MYO16: variants seen among roughly 807,000 people sequenced by gnomAD.
The protein encoded by MYO16 is myosin XVI, also known as unconventional myosin-XVI.
Under a neutral mutation model 205.3 loss-of-function variants are expected in MYO16, and 94 were observed. The observed-to-expected ratio is 0.46, with a 90% CI of 0.39 to 0.54. MYO16 has a LOEUF of 0.54. Ranked by LOEUF, MYO16 falls within the 20% of genes least tolerant of loss-of-function variation. The pLI is 0.00. For synonymous variants in MYO16, 988 were observed against 954.0 expected (o/e 1.04, Z -0.66); for missense variants, 2,315 against 2,387.5 (o/e 0.97, Z 0.63).
At chr13:108,995,578 A>G (rs924648451) in intron 21 of MYO16, among the ~76,000 whole-genome samples, 1 of 151,844 alleles carries the variant, frequency 6.6e-6, no homozygotes, top group Non-Finnish European at 1.5e-5. Context: ...TCCAAATGCT[A>G]TCCCTCCCCC....
intron 7 of MYO16, among the ~76,000 whole-genome samples, chr13:108,816,416 C>CCT (rs1277818295): frequency 2.0e-5 from 3 of 152,038 alleles, no homozygotes; most frequent in Non-Finnish European, 4.4e-5. Flanking sequence ...AGTAGCGCCC[C>CCT]CCACCCACCC....
intron 11 of MYO16, among the ~76,000 whole-genome samples, chr13:108,864,602 T>A (rs1020338485): frequency 6.6e-6 from 1 of 152,096 alleles, no homozygotes; most frequent in Non-Finnish European, 1.5e-5. Flanking sequence ...GATATCAGCT[T>A]ACTGCAGCCT....
chr13:108,823,130 G>C lies in MYO16; in HGVS notation c.949G>C (p.Ala317Pro). The change falls in exon 9 of 35, where the codon GCT becomes CCT. Residue 317 changes from alanine (A) to proline (P), a missense_variant. Ala to Pro is a conservative substitution (Grantham distance 27, BLOSUM62 -1). Coordinates refer to ENST00000457511, the MANE Select transcript of MYO16 (RefSeq NM_001198950.3). ...TTCTTATTTTTTTCTTGTAGATATTGCTGCCTCTGAGTTTATTGAGGAAAT... is the reference window on the plus strand; with the variant it reads ...TTCTTATTTTTTTCTTGTAGATATTCCTGCCTCTGAGTTTATTGAGGAAAT... Reference protein sequence around the residue: ...NCNEEKASDIAASEFIEEMLL... With the variant: ...NCNEEKASDIPASEFIEEMLL... 1 of 1,608,332 alleles carries C rather than the reference G, an allele frequency of 6.2e-7. No individual in the cohort carries two copies. The highest frequency in any genetic ancestry group is 8.5e-7 in the Non-Finnish European group (1 of 1,178,740).
rs548906138 is a variant in MYO16 at position 108,853,201 on chromosome 13, C to G, written c.1249-2242C>G. Among the ~76,000 whole-genome samples the G allele has an allele frequency of 2.0e-5, 3 of 152,270 alleles. No individual in the cohort carries two copies. The East Asian group carries it at 5.8e-4, about 29-fold the overall frequency. Reference sequence around the variant, plus strand: ...GTAGCGCTCGGTGCCTATGAGACTCCGCAAAGTGGAACTCAGTGTATAATG... The same window carrying G: ...GTAGCGCTCGGTGCCTATGAGACTCGGCAAAGTGGAACTCAGTGTATAATG... On this transcript the variant is annotated intron_variant, in intron 10 of 34. Transcript: ENST00000457511.
At chr13:108,825,582 T>TAAATAAAG (rs1566353346) in intron 9 of MYO16, among the ~76,000 whole-genome samples, 3 of 150,630 alleles carry the variant, frequency 2.0e-5, no homozygotes, top group African/African-American at 7.3e-5. Flanking sequence ...AGCAAGAAAA[T>TAAATAAAG]AAATAAATAA....
At chr13:109,025,156 G>T (rs1886323585) in intron 23 of MYO16, among the ~76,000 whole-genome samples, 1 of 152,004 alleles carries the variant, frequency 6.6e-6, no homozygotes, top group African/African-American at 2.4e-5. Flanking sequence ...CTCCACGATG[G>T]GATTACCTGG....
chr13:109,026,718 C>G (rs572170209), intron 23 of MYO16, among the ~76,000 whole-genome samples: 4 of 152,126 alleles, frequency 2.6e-5, no homozygotes, highest in Non-Finnish European at 4.4e-5. Flanking sequence ...TTTTCCTTAC[C>G]TGGAACATCC....
intron 27 of MYO16, among the ~76,000 whole-genome samples, chr13:109,091,531 T>C (rs1002154603): frequency 3.3e-5 from 5 of 152,178 alleles, no homozygotes; most frequent in Admixed American, 2.6e-4. Context: ...GACGTTGCCA[T>C]TGACGCCACA....
At chr13:109,155,950 G>T (rs1877996416) in intron 32 of MYO16, among the ~76,000 whole-genome samples, 1 of 152,134 alleles carries the variant, frequency 6.6e-6, no homozygotes, top group Non-Finnish European at 1.5e-5. Context: ...GGAAAGGAAA[G>T]AAAATTCTAT....
chr13:108,790,650 T>C (rs1886590261), intron 5 of MYO16, among the ~76,000 whole-genome samples: 1 of 152,172 alleles, frequency 6.6e-6, no homozygotes, highest in African/African-American at 2.4e-5. Context: ...TCTGTTGTGT[T>C]GTATTAACCA....
intron 23 of MYO16, among the ~76,000 whole-genome samples, chr13:109,035,933 G>A (rs1409886932): frequency 1.3e-5 from 2 of 152,192 alleles, no homozygotes; most frequent in African/African-American, 4.8e-5. Context: ...CTGGGGTGAA[G>A]TTGAAAGCAT....
At chr13:108,917,701 T>A (rs1566410521) in intron 16 of MYO16, among the ~76,000 whole-genome samples, 1 of 152,266 alleles carries the variant, frequency 6.6e-6, no homozygotes, top group Non-Finnish European at 1.5e-5. Context: ...TGTCATTAAA[T>A]AGTTAGCATA....
Position 108,875,860 on chromosome 13 carries a change from C to T in MYO16, c.1426-7199C>T, listed in dbSNP as rs196148. ...CTGCACTCCAGCCTGGGCAGCTGAGCGAGACCCTGTCTCAAAAAAATGAAA... is the reference window on the plus strand; with the variant it reads ...CTGCACTCCAGCCTGGGCAGCTGAGTGAGACCCTGTCTCAAAAAAATGAAA... On this transcript the variant is annotated intron_variant, in intron 12 of 34. Transcript: ENST00000457511. Among the ~76,000 whole-genome samples the T allele has an allele frequency of 5.6e-3, 857 of 152,008 alleles. 7 individuals carry two copies. Among genetic ancestry groups the T allele is most frequent in the African/African-American group, 0.019 (803 of 41,472 alleles).
chr13:109,181,014 AT>A (rs760764975), intron 34 of MYO16, among the ~76,000 whole-genome samples: 2 of 152,232 alleles, frequency 1.3e-5, no homozygotes, highest in Non-Finnish European at 2.9e-5. Flanking sequence ...GCCATCTGAC[AT>A]CCTTTCCAGG....
chr13:108,991,369 A>G (rs1198017425), intron 20 of MYO16, among the ~76,000 whole-genome samples: 1 of 152,194 alleles, frequency 6.6e-6, no homozygotes, highest in Non-Finnish European at 1.5e-5. Flanking sequence ...GATAGTTCAC[A>G]TTGAAAAAAA....
chr13:109,182,929 TC>T (rs1879516992), intron 34 of MYO16, among the ~76,000 whole-genome samples: 1 of 152,224 alleles, frequency 6.6e-6, no homozygotes, highest in South Asian at 2.1e-4. Flanking sequence ...GGGGCTGTGT[TC>T]CTTTGCACTT....
chr13:108,581,485 C>T, the MYO16 span, among the ~76,000 whole-genome samples: 1 of 152,026 alleles, frequency 6.6e-6, no homozygotes. Flanking sequence ...CTTCTTCTTG[C>T]CTTTTTTTTT....
intron 19 of MYO16, among the ~76,000 whole-genome samples, chr13:108,962,898 A>C (rs1259056639): frequency 1.3e-5 from 2 of 152,260 alleles, no homozygotes; most frequent in African/African-American, 4.8e-5. Flanking sequence ...GCATTGTGCC[A>C]AGTCCTATAA....
chr13:109,173,954 G>GGC lies in MYO16; in HGVS notation c.5324-5587_5324-5586insCG, dbSNP rs1555338672. Among the ~76,000 whole-genome samples, 232 of 147,688 alleles carry GGC rather than the reference G, an allele frequency of 1.6e-3. 10 individuals are homozygous for GGC. The South Asian group carries it at 0.037, about 24-fold the overall frequency. On this transcript the variant is annotated intron_variant, in intron 33 of 34. Coordinates refer to ENST00000457511, the MANE Select transcript of MYO16 (RefSeq NM_001198950.3). ...GGGTTGTCCTTGTTTTGATGGGGGGGGGTACTCTCTGCTGTTTTGGAAAAG... is the reference window on the plus strand; with the variant it reads ...GGGTTGTCCTTGTTTTGATGGGGGGGGCGGTACTCTCTGCTGTTTTGGAAAAG...
Sources: allele counts gnomAD v4.1 joint callset (sites outside exome capture counted in the v4.1 genomes callset), GRCh38; gene constraint gnomAD v4.1.1; transcripts MANE v1.5; gene names NCBI Gene and HGNC (gene_info 2026-07-23, HGNC 2026-07-21).